Variants in RELN observed in about 807,000 individuals in gnomAD.
RELN encodes reelin.
A neutral mutation model predicts 427.6 loss-of-function variants in RELN; 108 were observed. The observed-to-expected ratio is 0.25, with a 90% CI of 0.22 to 0.30. RELN has a LOEUF of 0.30. Among genes scored for constraint, RELN ranks in the 10% least tolerant of loss-of-function variants. The pLI, the probability that RELN is intolerant of heterozygous loss-of-function variation, is 1.00. For missense variants in RELN, 3,715 were observed against 4,302.8 expected, an observed-to-expected ratio of 0.86 and a Z score of 3.82; for synonymous variants, 1,524 against 1,513.4, an observed-to-expected ratio of 1.01 and a Z score of -0.16.
intron 21 of RELN, 142 bp from the exon 22 acceptor site, chr7:103,610,949 T>A (rs948579049): frequency 3.1e-5 from 21 of 676,968 alleles, no homozygotes; most frequent in African/African-American, 2.9e-4. Context: ...AAACAATCCA[T>A]GATTTTTCTT....
At chr7:103,596,310 T>C (rs1831535792) in intron 25 of RELN, 146 bp downstream of exon 25, 3 of 707,754 alleles carry the variant, frequency 4.2e-6, no homozygotes, top group Non-Finnish European at 5.0e-6. Flanking sequence ...TGAAATAAAA[T>C]CTTTATATAC....
chr7:103,855,729 T>G (rs144193613), intron 2 of RELN, among the ~76,000 whole-genome samples: 22 of 152,288 alleles, frequency 1.4e-4, no homozygotes, highest in Middle Eastern at 3.4e-3. Context: ...AGAGAGGATC[T>G]GTCCTGAGCC....
intron 8 of RELN, among the ~76,000 whole-genome samples, chr7:103,710,035 AT>A (rs1328157443): frequency 1.6e-4 from 25 of 152,234 alleles, no homozygotes; most frequent in African/African-American, 5.8e-4. Flanking sequence ...GTGAACGTAT[AT>A]TTATCAATGT....
At chr7:103,553,983 C>G (rs1319547560) in intron 38 of RELN, 152 bp from the exon 39 acceptor site, 1 of 695,732 alleles carries the variant, frequency 1.4e-6, no homozygotes. Context: ...CCCAGGAGTT[C>G]AAGACCAGCC....
At chr7:103,709,456 T>C (rs7810686) in intron 8 of RELN, among the ~76,000 whole-genome samples, 11,472 of 152,264 alleles carry the variant, frequency 0.075, 1,441 homozygotes, top group African/African-American at 0.26. Flanking sequence ...ATAACCATGT[T>C]TTTAGCCAAA....
At chr7:103,894,945 C>T (rs1288931054) in intron 2 of RELN, among the ~76,000 whole-genome samples, 4 of 152,124 alleles carry the variant, frequency 2.6e-5, no homozygotes, top group East Asian at 1.9e-4. Flanking sequence ...CCTGCTCATG[C>T]TCTGCTCTGG....
intron 48 of RELN, among the ~76,000 whole-genome samples, chr7:103,519,903 T>A (rs1829661353): frequency 6.6e-6 from 1 of 152,156 alleles, no homozygotes; most frequent in African/African-American, 2.4e-5. Flanking sequence ...GTGGCACTGA[T>A]TTTCTTACCC....
Position 103,539,222 on chromosome 7 carries a change from C to T in RELN, c.7036G>A (p.Val2346Met), listed in dbSNP as rs201788015. The T allele has an allele frequency of 2.5e-5, 41 of 1,614,228 alleles. No homozygotes were observed. The highest frequency in any genetic ancestry group is 1.0e-4 in the Admixed American group (6 of 60,032). Residue 2346 changes from valine (V) to methionine (M), a missense_variant, in exon 45 of 65, where the codon GTG becomes ATG. Physicochemically the swap from Val to Met is conservative, Grantham distance 21. Around this residue, in one of 4 missense-constraint regions of RELN, gnomAD observed 1,310 missense variants for 1,643.0 expected, o/e 0.80. Transcript: ENST00000428762. ...AGGGCATCACCAGTAGAGCCACACA[C>T]GGGCATCTTGGTGCCTCCTGGGTGA... ...LLHPGGTKMPVCGSTGDALVF... is the reference protein window; with the variant it reads ...LLHPGGTKMPMCGSTGDALVF...
At chr7:103,751,654 T>C (rs637606) in intron 5 of RELN, among the ~76,000 whole-genome samples, 85,120 of 152,160 alleles carry the variant, frequency 0.56, 24,265 homozygotes, top group African/African-American at 0.66. Context: ...GGCCGAGACT[T>C]GGCTGGGCCA....
intron 12 of RELN, among the ~76,000 whole-genome samples, chr7:103,660,012 G>T (rs965421134): frequency 7.2e-5 from 11 of 151,878 alleles, no homozygotes; most frequent in African/African-American, 2.7e-4. Context: ...TTAATTCATT[G>T]ATTAATAATA....
intron 2 of RELN, among the ~76,000 whole-genome samples, chr7:103,897,217 C>T (rs1319967104): frequency 6.6e-6 from 1 of 152,100 alleles, no homozygotes; most frequent in Non-Finnish European, 1.5e-5. Flanking sequence ...CAAACCATAT[C>T]AATTACTTCT....
At chr7:103,494,394 G>GTGTGTGTGTGTGTGTGTGTGTGTGTGTGT (rs774896895) in intron 57 of RELN, among the ~76,000 whole-genome samples, 128 of 134,544 alleles carry the variant, frequency 9.5e-4, no homozygotes, top group East Asian at 4.9e-3. Flanking sequence ...TGTGTGTGTG[G>GTGTGTGTGTGTGTGTGTGTGTGTGTGTGT]GATATGGTCT....
chr7:103,866,530 C>G (rs1002289701), intron 2 of RELN, among the ~76,000 whole-genome samples: 1 of 151,720 alleles, frequency 6.6e-6, no homozygotes, highest in South Asian at 2.1e-4. Flanking sequence ...TGATTTGGAC[C>G]CCAGTAAATC....
chr7:103,758,177 C>G (rs373989697), intron 4 of RELN, among the ~76,000 whole-genome samples: 5 of 152,046 alleles, frequency 3.3e-5, no homozygotes, highest in Non-Finnish European at 7.4e-5. Context: ...AGAAATAATG[C>G]CATTGAAATT....
chr7:103,921,127 G>A lies in RELN; in HGVS notation c.227-3942C>T, dbSNP rs141544916. Among the ~76,000 whole-genome samples the A allele has an allele frequency of 7.8e-4, 118 of 152,166 alleles. 1 individual carries two copies. The highest frequency in any genetic ancestry group is 6.8e-3 in the Middle Eastern group (2 of 294). ...GTAATTTGGGTTTTATTAACTAGAC[G>A]GGCAGAGATATTTAGAAATAGTTCT... On this transcript the variant is annotated intron_variant, in intron 1 of 64. Coordinates refer to ENST00000428762, the MANE Select transcript of RELN (RefSeq NM_005045.4).
chr7:103,510,713 G>T (rs1829378705), intron 51 of RELN, 138 bp downstream of exon 51: 7 of 708,406 alleles, frequency 9.9e-6, no homozygotes, highest in Admixed American at 6.8e-5. Flanking sequence ...TAGTTGAGTT[G>T]TATATTAGTT....
At chr7:103,793,132 C>T (rs1351410589) in intron 3 of RELN, among the ~76,000 whole-genome samples, 1 of 152,042 alleles carries the variant, frequency 6.6e-6, no homozygotes, top group East Asian at 1.9e-4. Context: ...CAACTTTGAG[C>T]CCAGGGAGAG....
At chr7:103,534,650 G>A (rs1830011082) in intron 46 of RELN, among the ~76,000 whole-genome samples, 2 of 151,934 alleles carry the variant, frequency 1.3e-5, no homozygotes, top group Admixed American at 6.6e-5. Context: ...ACCATGCCTG[G>A]CTAATTTTTT....
intron 1 of RELN, among the ~76,000 whole-genome samples, chr7:103,921,720 A>G (rs1795621122): frequency 6.6e-6 from 1 of 152,226 alleles, no homozygotes; most frequent in Non-Finnish European, 1.5e-5. Context: ...GGTTGTGGCC[A>G]TAACTAGTCC....
Sources: gnomAD v4.1 joint callset for allele counts (sites outside exome capture counted in the v4.1 genomes callset) on GRCh38, gnomAD v4.1.1 for gene constraint, gnomAD v4.1.1 regional missense constraint, MANE v1.5 for transcripts, NCBI Gene and HGNC (gene_info 2026-07-23, HGNC 2026-07-21) for gene names.